The following UBXN8 variants were observed in gnomAD, a reference collection of about 807,000 sequenced individuals.
The protein encoded by UBXN8 is UBX domain-containing protein 8.
Under a neutral mutation model 32.1 loss-of-function variants are expected in UBXN8, and 27 were observed. The observed-to-expected ratio is 0.84, with a 90% confidence interval of 0.62 to 1.16. UBXN8 has a LOEUF of 1.16. Among genes scored for constraint, UBXN8 ranks in the 50% most tolerant of loss-of-function variants. UBXN8 has a pLI of 0.00. For synonymous variants in UBXN8, 109 were observed against 111.8 expected, an observed-to-expected ratio of 0.98 and a Z score of 0.16; for missense variants, 306 against 311.4, an observed-to-expected ratio of 0.98 and a Z score of 0.13.
chr8:30,744,695 T>A (rs1805318200), intron 1 of UBXN8, among the ~76,000 whole-genome samples: 1 of 152,194 alleles, frequency 6.6e-6, no homozygotes, highest in Non-Finnish European at 1.5e-5. Flanking sequence ...CCTCGGCCTC[T>A]CAAAGTGCTG....
At chr8:30,760,680 C>A (rs1476241477) in intron 5 of UBXN8, among the ~76,000 whole-genome samples, 4 of 151,802 alleles carry the variant, frequency 2.6e-5, no homozygotes, top group Non-Finnish European at 4.4e-5. Context: ...TATCTCAAAT[C>A]CTATTTTTAT....
rs199634258 is a variant in UBXN8, at chr8:30,760,443, A to ATTTTT, written c.529-434_529-430dup. The stretch of plus-strand genomic sequence containing the variant: ...ATCATATATATATATATATATATAT[A>ATTTTT]TTTTTTTTTTTTTTTAAAGTGACAG... On this transcript the variant is annotated intron_variant, in intron 5 of 7. Coordinates refer to ENST00000265616, the MANE Select transcript of UBXN8 (RefSeq NM_005671.4). 6.6e-4 allele frequency among the ~76,000 whole-genome samples: 60 copies of ATTTTT among 91,094 alleles called. 1 individual carries two copies. Among genetic ancestry groups the ATTTTT allele is most frequent in the South Asian group, 4.9e-3 (12 of 2,442 alleles). The allele number at this position is 91,094 out of a possible 152,430, so 59.8% of individuals were successfully genotyped here. A position where few individuals can be genotyped will look rare whatever the true frequency, so the allele number is the denominator to read the frequency against.
intron 1 of UBXN8, among the ~76,000 whole-genome samples, chr8:30,748,468 GAA>G (rs538718073): frequency 2.2e-5 from 2 of 90,422 alleles, no homozygotes. Context: ...CCATCTGAAA[GAA>G]AAAAAAAAAA....
At chr8:30,750,530 T>C (rs1489172873) in intron 1 of UBXN8, among the ~76,000 whole-genome samples, 1 of 151,282 alleles carries the variant, frequency 6.6e-6, no homozygotes, top group Non-Finnish European at 1.5e-5. Flanking sequence ...CCCAGAACTT[T>C]GGCAGGCTGA....
chr8:30,766,987 A>C lies in UBXN8; in HGVS notation c.*593A>C, dbSNP rs561885550. 3 of 152,348 alleles carry C rather than the reference A, an allele frequency of 2.0e-5. No individual in the cohort carries two copies. In the East Asian group the frequency reaches 5.8e-4, roughly 29 times the overall value. 9.4% of individuals were successfully genotyped at this position (152,348 alleles called of 1,614,324 possible). On this transcript the variant is annotated 3_prime_UTR_variant, in exon 8 of 8. Coordinates refer to ENST00000265616, the MANE Select transcript of UBXN8 (RefSeq NM_005671.4). ...AAAATAAAACTATGAAAGCATTAAA[A>C]TATAGGTGAATTTTTAAAACTGTAT... is the stretch of plus-strand genomic sequence containing the variant.
chr8:30,756,982 G>T, intron 5 of UBXN8, 95 bp downstream of exon 5: 1 of 1,513,826 alleles, frequency 6.6e-7, no homozygotes, highest in Admixed American at 2.1e-5. Context: ...GATCAGGACT[G>T]GCCTTTCATC....
At chr8:30,739,141 G>A (rs1439803837) in intron 1 of UBXN8, among the ~76,000 whole-genome samples, 3 of 150,722 alleles carry the variant, frequency 2.0e-5, no homozygotes, top group Non-Finnish European at 4.4e-5. Context: ...TAGAAAGTGA[G>A]GTGGTTTGGC....
intron 1 of UBXN8, among the ~76,000 whole-genome samples, chr8:30,734,643 C>G (rs1046945057): frequency 4.6e-5 from 7 of 151,774 alleles, no homozygotes; most frequent in African/African-American, 1.5e-4. Context: ...AAATTTCTTT[C>G]AAACACTAGA....
upstream of UBXN8, among the ~76,000 whole-genome samples, chr8:30,742,804 A>G (rs1805241304): frequency 6.6e-6 from 1 of 152,046 alleles, no homozygotes; most frequent in South Asian, 2.1e-4. Flanking sequence ...CCTTCTGGGT[A>G]TGGTTCTGCA....
intron 6 of UBXN8, among the ~76,000 whole-genome samples, chr8:30,762,485 C>T (rs1010621471): frequency 5.9e-5 from 9 of 152,130 alleles, no homozygotes; most frequent in South Asian, 4.1e-4. Context: ...CCTCTGCTTC[C>T]GGGTTCAAGC....
upstream of UBXN8, chr8:30,744,152 G>A (rs769326050): frequency 6.3e-6 from 10 of 1,597,254 alleles, no homozygotes; most frequent in South Asian, 1.1e-5. Flanking sequence ...CGGCCGGAAG[G>A]GGCGGGCTTT....
chr8:30,737,686 T>C (rs1462369119), intron 1 of UBXN8, among the ~76,000 whole-genome samples: 1 of 152,058 alleles, frequency 6.6e-6, no homozygotes, highest in Admixed American at 6.6e-5. Context: ...AGACCCTGTC[T>C]CAAACAAACA....
intron 1 of UBXN8, among the ~76,000 whole-genome samples, chr8:30,736,581 T>C (rs1767296148): frequency 6.6e-6 from 1 of 152,194 alleles, no homozygotes; most frequent in South Asian, 2.1e-4. Flanking sequence ...CAAGCGATTC[T>C]CCTGCTTCAG....
intron 1 of UBXN8, 164 bp downstream of exon 1, chr8:30,744,441 G>C (rs1805306097): frequency 8.8e-6 from 6 of 679,600 alleles, no homozygotes; most frequent in East Asian, 2.7e-5. Flanking sequence ...ACTTCACTTC[G>C]AGGAACCTTT....
intron 1 of UBXN8, among the ~76,000 whole-genome samples, chr8:30,746,471 TA>T (rs1795970696): frequency 1.3e-5 from 2 of 150,784 alleles, no homozygotes; most frequent in African/African-American, 4.9e-5. Flanking sequence ...TTCTACTGTG[TA>T]AAAACCTTTA....
At chr8:30,739,069 A>AG (rs1013686560) in intron 1 of UBXN8, among the ~76,000 whole-genome samples, 2 of 150,624 alleles carry the variant, frequency 1.3e-5, no homozygotes, top group Non-Finnish European at 3.0e-5. Context: ...ATTAAGATGG[A>AG]GGGGGAAAAA....
rs575097161 is a variant in UBXN8 at position 30,732,985 on chromosome 8, C to G, written c.299C>G (p.Pro100Arg). The G allele has an allele frequency of 7.2e-5, 11 of 152,328 alleles. No homozygotes were observed. In the South Asian group the frequency reaches 1.7e-3, roughly 23 times the overall value. The allele number at this position is 152,328 out of a possible 1,614,324, so 9.4% of individuals were successfully genotyped here. Residue 100 changes from proline to arginine, a missense_variant, in exon 1 of 2, where the codon CCC (proline) becomes CGC (arginine). By Grantham distance (103) the Pro-to-Arg change is moderately radical. Coordinates refer to the UBXN8 transcript ENST00000522968. ...TACCAAAGTTTGCTTTGTGAAAATCCCCGTATAACCATTGAAGTTTGTAAC... is the reference window on the plus strand; with the variant it reads ...TACCAAAGTTTGCTTTGTGAAAATCGCCGTATAACCATTGAAGTTTGTAAC...
chr8:30,738,458 G>A (rs1346185183), intron 1 of UBXN8, among the ~76,000 whole-genome samples: 1 of 151,740 alleles, frequency 6.6e-6, no homozygotes, highest in Non-Finnish European at 1.5e-5. Context: ...AGGAGCTCGA[G>A]ACCATCCTGG....
intron 1 of UBXN8, chr8:30,733,345 C>T (rs9720924): frequency 6.6e-6 from 1 of 152,302 alleles, no homozygotes; most frequent in African/African-American, 2.4e-5. Context: ...TCTTGATATG[C>T]CTTTTTAACC....
Sources: allele counts gnomAD v4.1 joint callset (sites outside exome capture counted in the v4.1 genomes callset), GRCh38; gene constraint gnomAD v4.1.1; transcripts MANE v1.5; gene names NCBI Gene and HGNC (gene_info 2026-07-23, HGNC 2026-07-21).